The following GNG7 variants were observed in gnomAD, a reference collection of about 807,000 sequenced individuals.
GNG7 encodes the protein guanine nucleotide-binding protein G(I)/G(S)/G(O) subunit gamma-7.
Under a neutral mutation model 4.0 loss-of-function variants are expected in GNG7, and 1 was observed. The observed-to-expected ratio is 0.25, with a 90% CI of 0.09 to 1.18. GNG7 has a LOEUF of 1.18. Ranked by LOEUF, GNG7 falls within the 50% of genes most tolerant of loss-of-function variation. The pLI is 0.50. For synonymous variants in GNG7, 34 were observed against 36.9 expected, an observed-to-expected ratio of 0.92 and a Z score of 0.29; for missense variants, 86 against 91.9, an observed-to-expected ratio of 0.94 and a Z score of 0.26.
At position 2,617,806 on chromosome 19, in the gene GNG7, C is replaced by T. The variant is rs1010326414; in HGVS notation, c.-78+28418G>A. ...CAGTCACAGCTCACCGCAACCTCAG[C>T]CTCCTGGGCTCAAGTGATCCTCCTA... On this transcript the variant is annotated intron_variant, in intron 2 of 4. Transcript: ENST00000382159. This position sits in a 1 kb window ranked among gnomAD's most constrained non-coding sequence, Gnocchi z 4.7. Among the ~76,000 whole-genome samples, 1 of 151,810 alleles carries T rather than the reference C, an allele frequency of 6.6e-6. No individual in the cohort carries two copies. Among genetic ancestry groups the T allele is most frequent in the African/African-American group, 2.4e-5 (1 of 41,268 alleles).
At chr19:2,673,704 AAAAG>A (rs886575143) in intron 1 of GNG7, among the ~76,000 whole-genome samples, 22 of 151,398 alleles carry the variant, frequency 1.5e-4, no homozygotes, top group Non-Finnish European at 2.8e-4. Flanking sequence ...AAAAAAAAAA[AAAAG>A]AAAGAAAGAA....
intron 2 of GNG7, among the ~76,000 whole-genome samples, chr19:2,579,078 G>GCA (rs1980425829): frequency 1.3e-5 from 2 of 152,214 alleles, no homozygotes; most frequent in Admixed American, 6.5e-5. Context: ...GCTCGTCTCC[G>GCA]GCCCTGGCAG....
At chr19:2,543,957 T>C (rs1187814922) in intron 3 of GNG7, among the ~76,000 whole-genome samples, 1 of 152,152 alleles carries the variant, frequency 6.6e-6, no homozygotes, top group Non-Finnish European at 1.5e-5. Context: ...GCTCCTGGAC[T>C]CTTTCCTCCT....
At position 2,650,084 on chromosome 19, in the gene GNG7, G is replaced by A. The variant is rs574259653; in HGVS notation, c.-134-3804C>T. 2.6e-5 allele frequency among the ~76,000 whole-genome samples: 4 copies of A among 152,048 alleles called. No individual in the cohort carries two copies. In the South Asian group the frequency reaches 6.2e-4, roughly 24 times the overall value. On this transcript the variant is annotated intron_variant, in intron 1 of 4. Transcript: ENST00000382159. ...TTACTCCTCCTGAGTATGGAAGGACGTGTTTTTTAAATCCATTCACCGGCG... is the reference window on the plus strand; with the variant it reads ...TTACTCCTCCTGAGTATGGAAGGACATGTTTTTTAAATCCATTCACCGGCG...
chr19:2,590,493 C>T (rs1230152341), intron 2 of GNG7, among the ~76,000 whole-genome samples: 1 of 151,854 alleles, frequency 6.6e-6, no homozygotes, highest in Non-Finnish European at 1.5e-5. Flanking sequence ...GTTCATCCAT[C>T]CATCCATCCA....
intron 2 of GNG7, among the ~76,000 whole-genome samples, chr19:2,613,290 GGGGCTTTGGGCT>G (rs1568262974): frequency 6.6e-6 from 1 of 152,174 alleles, no homozygotes; most frequent in African/African-American, 2.4e-5. Flanking sequence ...AACACATAGG[GGGGCTTTGGGCT>G]CTCAGCCCCT....
intron 1 of GNG7, among the ~76,000 whole-genome samples, chr19:2,697,072 C>T (rs1913285031): frequency 6.6e-6 from 1 of 152,136 alleles, no homozygotes; most frequent in African/African-American, 2.4e-5. Flanking sequence ...AACTCCTGAC[C>T]TCAACTGATC....
chr19:2,655,796 G>A (rs1455472148), intron 1 of GNG7, among the ~76,000 whole-genome samples: 6 of 142,338 alleles, frequency 4.2e-5, no homozygotes, highest in African/African-American at 1.1e-4. Flanking sequence ...TCGAGATCGC[G>A]CCACTGCACT....
chr19:2,531,303 CAAAAAAAA>C (rs58133235), intron 3 of GNG7, among the ~76,000 whole-genome samples: 19 of 95,072 alleles, frequency 2.0e-4, no homozygotes, highest in South Asian at 1.1e-3. Flanking sequence ...GATTCCGTCT[CAAAAAAAA>C]AAAAAAAAAA....
intron 3 of GNG7, among the ~76,000 whole-genome samples, chr19:2,543,037 C>T (rs779244404): frequency 2.7e-5 from 4 of 150,832 alleles, no homozygotes; most frequent in African/African-American, 4.9e-5. Flanking sequence ...CTCAGTCTCC[C>T]GAGTAGCTGG....
At chr19:2,547,458 C>G (rs771193573) in intron 3 of GNG7, among the ~76,000 whole-genome samples, 1 of 152,076 alleles carries the variant, frequency 6.6e-6, no homozygotes, top group Non-Finnish European at 1.5e-5. Flanking sequence ...CAGTCTCTCT[C>G]TGACTCTCAC....
chr19:2,698,920 C>T (rs991066278), intron 1 of GNG7, among the ~76,000 whole-genome samples: 9 of 152,218 alleles, frequency 5.9e-5, no homozygotes, highest in Admixed American at 3.3e-4. Context: ...CAGAAAATAA[C>T]GGTATCGGTC....
intron 1 of GNG7, chr19:2,701,206 C>G (rs1019560747): frequency 6.6e-6 from 1 of 152,062 alleles, no homozygotes; most frequent in African/African-American, 2.4e-5. Context: ...TGCCCCGTGC[C>G]CAGTTCTAGA....
intron 1 of GNG7, among the ~76,000 whole-genome samples, chr19:2,683,947 G>T (rs149981640): frequency 7.8e-4 from 119 of 152,304 alleles, no homozygotes; most frequent in African/African-American, 2.8e-3. Context: ...GCCCCAGGGG[G>T]CCGAGCTGCA....
At chr19:2,561,714 TAAAAAA>T (rs370642587) in intron 2 of GNG7, among the ~76,000 whole-genome samples, 1 of 136,790 alleles carries the variant, frequency 7.3e-6, no homozygotes, top group Non-Finnish European at 1.6e-5. Context: ...CCGTCTCTAC[TAAAAAA>T]AAAAAAAAAA....
In GNG7 at chr19:2,513,092, C is replaced by G. The variant is rs1187866606; in HGVS notation, c.*1930G>C. 4 of 985,496 alleles carry G rather than the reference C, an allele frequency of 4.1e-6. No individual in the cohort carries two copies. The African/African-American group carries it at 7.0e-5, about 17-fold the overall frequency. 61.0% of individuals were successfully genotyped at this position (985,496 alleles called of 1,614,324 possible). On this transcript the variant is annotated 3_prime_UTR_variant, in exon 5 of 5. Transcript: ENST00000382159. The stretch of plus-strand genomic sequence containing the variant: ...GGAGCCCGGCTGTGGCCTGTGGGAG[C>G]TGCCCGAGGTTGAGGAGTGGAGGTC...
At chr19:2,643,750 A>T (rs1326544749) in intron 2 of GNG7, 1 of 411,902 alleles carries the variant, frequency 2.4e-6, no homozygotes, top group Non-Finnish European at 4.9e-6. Flanking sequence ...GGGCACGCTA[A>T]TCTTCAAGCG....
In GNG7 at chr19:2,614,837, G is replaced by A. The variant is rs190773858; in HGVS notation, c.-78+31387C>T. ...TTGCTGGGTCATGTGGCGACTCCGCGTTCAGCCTTTTGAGGAACCACCAGA... is the reference window on the plus strand; with the variant it reads ...TTGCTGGGTCATGTGGCGACTCCGCATTCAGCCTTTTGAGGAACCACCAGA... On this transcript the variant is annotated intron_variant, in intron 2 of 4. Coordinates refer to ENST00000382159, the MANE Select transcript of GNG7 (RefSeq NM_052847.3). The surrounding 1 kb of genome is among the most constrained non-coding windows in gnomAD (Gnocchi z 6.0). Among the ~76,000 whole-genome samples the A allele has an allele frequency of 1.2e-3, 186 of 152,292 alleles. No individual in the cohort carries two copies. Among genetic ancestry groups the A allele is most frequent in the African/African-American group, 4.2e-3 (175 of 41,542 alleles).
chr19:2,553,763 A>G (rs1235118757), intron 3 of GNG7, among the ~76,000 whole-genome samples: 3 of 148,302 alleles, frequency 2.0e-5, no homozygotes, highest in Admixed American at 6.8e-5. Context: ...ATATGCACAT[A>G]TTGCATGTAA....
Sources: allele counts gnomAD v4.1 joint callset (sites outside exome capture counted in the v4.1 genomes callset), GRCh38; gene constraint gnomAD v4.1.1; non-coding constraint Gnocchi (gnomAD v3.1); transcripts MANE v1.5; gene names NCBI Gene and HGNC (gene_info 2026-07-23, HGNC 2026-07-21).